The following TBC1D5 variants were observed in gnomAD, a reference collection of about 807,000 sequenced individuals.
The protein encoded by TBC1D5 is TBC1 domain family, member 5.
TBC1D5 carries 75 observed loss-of-function variants against 100.3 expected under a neutral mutation model. The ratio of observed to expected loss-of-function variants is 0.75; its 90% CI spans 0.62 to 0.91. TBC1D5 has a LOEUF of 0.91. Ranked by LOEUF, TBC1D5 falls within the 40% of genes least tolerant of loss-of-function variation. TBC1D5 has a pLI of 0.00. For missense variants in TBC1D5, 910 were observed against 942.4 expected, an observed-to-expected ratio of 0.97 and a Z score of 0.45; for synonymous variants, 323 against 325.6, an observed-to-expected ratio of 0.99 and a Z score of 0.09.
chr3:17,458,721 A>G (rs2095142515), intron 3 of TBC1D5, among the ~76,000 whole-genome samples: 1 of 152,098 alleles, frequency 6.6e-6, no homozygotes. Context: ...TGTGAACTTG[A>G]TTTTCAGCTT....
chr3:17,481,473 T>A (rs1435062296), intron 3 of TBC1D5, among the ~76,000 whole-genome samples: 1 of 152,156 alleles, frequency 6.6e-6, no homozygotes, highest in Non-Finnish European at 1.5e-5. Flanking sequence ...CCATGACAAC[T>A]TAAGCCTGTG....
chr3:17,337,123 G>GTTTTTTTTTTTTTTTT lies in TBC1D5; in HGVS notation c.996-29005_996-28990dup, dbSNP rs11328091. On this transcript the variant is annotated intron_variant, in intron 13 of 21. Transcript: ENST00000253692. ...AGCTTGCACCAAAATTATCTGAGAG[G>GTTTTTTTTTTTTTTTT]TTTTTTTTTTTTTTTTTTTTTTAAG... is the stretch of plus-strand genomic sequence containing the variant. 2.8e-3 allele frequency among the ~76,000 whole-genome samples: 325 copies of GTTTTTTTTTTTTTTTT among 116,114 alleles called. 6 individuals carry two copies. The highest frequency in any genetic ancestry group is 0.011 in the African/African-American group (310 of 28,446). 76.2% of individuals were successfully genotyped at this position (116,114 alleles called of 152,430 possible). A position where few individuals can be genotyped will look rare whatever the true frequency, so the allele number is the denominator to read the frequency against.
chr3:17,599,935 C>T (rs2060822766), intron 2 of TBC1D5, among the ~76,000 whole-genome samples: 2 of 152,194 alleles, frequency 1.3e-5, no homozygotes, highest in Admixed American at 6.5e-5. Context: ...GTCCCCAAAA[C>T]CTACCTCAGT....
At chr3:17,408,779 A>T (rs10865749) in intron 4 of TBC1D5, among the ~76,000 whole-genome samples, 74,140 of 151,974 alleles carry the variant, frequency 0.49, 19,458 homozygotes, top group African/African-American at 0.65. Flanking sequence ...GAAGCTTTTT[A>T]AATTTGTGTA....
chr3:17,644,767 T>C (rs1193840135), intron 1 of TBC1D5, among the ~76,000 whole-genome samples: 3 of 152,152 alleles, frequency 2.0e-5, no homozygotes, highest in South Asian at 4.1e-4. Flanking sequence ...TTTATTTTCA[T>C]AATGGATATT....
At chr3:17,395,119 T>A (rs774021759) in intron 8 of TBC1D5, among the ~76,000 whole-genome samples, 2 of 151,900 alleles carry the variant, frequency 1.3e-5, no homozygotes, top group Non-Finnish European at 2.9e-5. Flanking sequence ...TGACAGGATA[T>A]AAGGTTGGGA....
At chr3:17,345,543 T>C (rs555282409) in intron 13 of TBC1D5, among the ~76,000 whole-genome samples, 71 of 152,088 alleles carry the variant, frequency 4.7e-4, no homozygotes, top group African/African-American at 1.4e-3. Flanking sequence ...CTAGAAATAC[T>C]ATTTGACCCA....
chr3:17,281,731 G>A (rs1360447630), intron 15 of TBC1D5, among the ~76,000 whole-genome samples: 1 of 152,122 alleles, frequency 6.6e-6, no homozygotes, highest in East Asian at 1.9e-4. Flanking sequence ...GATTATTATA[G>A]TTATACAGTT....
At chr3:17,215,875 A>G (rs1399342182) in intron 17 of TBC1D5, among the ~76,000 whole-genome samples, 1 of 152,104 alleles carries the variant, frequency 6.6e-6, no homozygotes, top group African/African-American at 2.4e-5. Context: ...TAGAATAGTA[A>G]TTATCTACTC....
chr3:17,421,221 T>C (rs1392558819), intron 4 of TBC1D5, among the ~76,000 whole-genome samples: 1 of 152,208 alleles, frequency 6.6e-6, no homozygotes, highest in Non-Finnish European at 1.5e-5. Flanking sequence ...AAATGTGATT[T>C]TTCTTTACTC....
chr3:17,520,081 A>G (rs532725865), intron 2 of TBC1D5, among the ~76,000 whole-genome samples: 1 of 152,360 alleles, frequency 6.6e-6, no homozygotes, highest in South Asian at 2.1e-4. Flanking sequence ...ATCACGTAAC[A>G]AACTACATTA....
At chr3:17,626,016 T>C (rs568840684) in intron 1 of TBC1D5, among the ~76,000 whole-genome samples, 40 of 152,276 alleles carry the variant, frequency 2.6e-4, no homozygotes, top group Non-Finnish European at 7.4e-5. Flanking sequence ...CTTTCCATTA[T>C]GTTGTCTACT....
intron 2 of TBC1D5, among the ~76,000 whole-genome samples, chr3:17,619,370 A>G (rs772595951): frequency 6.6e-6 from 1 of 152,248 alleles, no homozygotes; most frequent in Non-Finnish European, 1.5e-5. Flanking sequence ...GCATTAAAAC[A>G]TACTACAAAG....
Position 17,497,123 on chromosome 3 carries a change from CA to C in TBC1D5, c.97+11350del, listed in dbSNP as rs1313789115. Reference sequence around the variant, plus strand: ...ACACACACACACACACACACACACACACACACACACACACCATCCTTGTATA... The same window carrying C: ...ACACACACACACACACACACACACACCACACACACACACCATCCTTGTATA... On this transcript the variant is annotated intron_variant, in intron 3 of 21. Coordinates refer to ENST00000253692, the Ensembl canonical transcript of TBC1D5. 1.1e-3 allele frequency among the ~76,000 whole-genome samples: 162 copies of C among 151,640 alleles called. 4 individuals carry two copies. The highest frequency in any genetic ancestry group is 3.8e-3 in the African/African-American group (157 of 41,360).
At chr3:17,695,620 G>A (rs1287944779) in intron 1 of TBC1D5, among the ~76,000 whole-genome samples, 1 of 152,154 alleles carries the variant, frequency 6.6e-6, no homozygotes, top group Non-Finnish European at 1.5e-5. Context: ...GACCTACAAA[G>A]AGACTTAGAC....
At chr3:17,460,908 T>G (rs991649739) in intron 3 of TBC1D5, among the ~76,000 whole-genome samples, 1 of 152,078 alleles carries the variant, frequency 6.6e-6, no homozygotes, top group African/African-American at 2.4e-5. Context: ...TTTGGAGTTA[T>G]AAAAAGCTCA....
At chr3:17,240,908 C>T (rs1474568311) in intron 16 of TBC1D5, among the ~76,000 whole-genome samples, 1 of 152,154 alleles carries the variant, frequency 6.6e-6, no homozygotes, top group East Asian at 1.9e-4. Flanking sequence ...ATCTTCATTA[C>T]TACTAATAAC....
chr3:17,458,833 T>C (rs1400815812), intron 3 of TBC1D5, among the ~76,000 whole-genome samples: 1 of 152,244 alleles, frequency 6.6e-6, no homozygotes, highest in East Asian at 1.9e-4. Flanking sequence ...CTATGTATTG[T>C]GGTTTTCAAA....
chr3:17,556,336 A>G (rs1160304142), intron 2 of TBC1D5, among the ~76,000 whole-genome samples: 1 of 152,160 alleles, frequency 6.6e-6, no homozygotes, highest in Non-Finnish European at 1.5e-5. Flanking sequence ...TTTTAAGCCT[A>G]CAAAAAAATA....
Sources: allele counts gnomAD v4.1 joint callset (sites outside exome capture counted in the v4.1 genomes callset), GRCh38; gene constraint gnomAD v4.1.1; transcripts MANE v1.5; gene names NCBI Gene and HGNC (gene_info 2026-07-23, HGNC 2026-07-21).